Variants in PRKD2 observed in about 807,000 individuals in gnomAD.
PRKD2 encodes serine/threonine-protein kinase D2.
A neutral mutation model predicts 86.0 loss-of-function variants in PRKD2; 22 were observed. The observed-to-expected ratio is 0.26, with a 90% CI of 0.18 to 0.37. The LOEUF is 0.37. Ranked by LOEUF, PRKD2 falls within the 10% of genes least tolerant of loss-of-function variation. The pLI is 1.00. For missense variants in PRKD2, 818 were observed against 1,199.2 expected, an observed-to-expected ratio of 0.68 and a Z score of 4.70; for synonymous variants, 509 against 510.9, an observed-to-expected ratio of 1.00 and a Z score of 0.05.
At chr19:46,680,354 C>CACAA (rs1360893982) in intron 15 of PRKD2, among the ~76,000 whole-genome samples, 1 of 151,012 alleles carries the variant, frequency 6.6e-6, no homozygotes, top group Non-Finnish European at 1.5e-5. Flanking sequence ...GTGGTGTGAT[C>CACAA]TCGGCTCACC....
rs2053881962 is a variant in PRKD2, at chr19:46,716,378, G to A, written c.-8C>T. 1 of 1,398,220 alleles carries A rather than the reference G, an allele frequency of 7.2e-7. No individual in the cohort carries two copies. The highest frequency in any genetic ancestry group is 2.7e-4 in the Middle Eastern group (1 of 3,722). The allele number at this position is 1,398,220 out of a possible 1,614,324, so 86.6% of individuals were successfully genotyped here. On this transcript the variant is annotated 5_prime_UTR_variant, in exon 1 of 18. Transcript: ENST00000291281. The surrounding 1 kb of genome is among the most constrained non-coding windows in gnomAD (Gnocchi z 7.9). The stretch of plus-strand genomic sequence containing the variant: ...AGAGGGGGCGGTGGCCATGGGGGGA[G>A]GCCGGGGACCGGCCGCCTGGAGCCC...
intron 1 of PRKD2, chr19:46,714,343 C>G: frequency 9.6e-7 from 1 of 1,038,708 alleles, no homozygotes; most frequent in Non-Finnish European, 1.2e-6. Flanking sequence ...CCCTGTGCCT[C>G]CTCCCCAGGC....
intron 7 of PRKD2, 43 bp from the exon 8 acceptor site, chr19:46,697,893 T>C: frequency 6.8e-7 from 1 of 1,478,670 alleles, no homozygotes; most frequent in South Asian, 1.1e-5. Flanking sequence ...ATGCAGAAAG[T>C]GACCATGCTG....
At chr19:46,705,561 C>T (rs1023408876) in intron 3 of PRKD2, among the ~76,000 whole-genome samples, 6 of 152,006 alleles carry the variant, frequency 3.9e-5, no homozygotes, top group African/African-American at 9.7e-5. Flanking sequence ...CCAAGGCCGG[C>T]GGATCACTTG....
intron 15 of PRKD2, among the ~76,000 whole-genome samples, chr19:46,679,356 C>T (rs1043152661): frequency 2.0e-5 from 3 of 152,072 alleles, no homozygotes; most frequent in African/African-American, 7.2e-5. Flanking sequence ...AAACATGAAA[C>T]ATAATGGAGA....
intron 9 of PRKD2, among the ~76,000 whole-genome samples, chr19:46,696,091 G>A (rs1428604801): frequency 6.6e-6 from 1 of 152,082 alleles, no homozygotes; most frequent in East Asian, 1.9e-4. Flanking sequence ...CGCCCACCTC[G>A]GCCTCTGAAA....
intron 9 of PRKD2, among the ~76,000 whole-genome samples, chr19:46,695,280 T>A (rs2053540557): frequency 6.6e-6 from 1 of 151,806 alleles, no homozygotes. Flanking sequence ...AAGTCAGGAG[T>A]TCGAGACCCG....
Position 46,716,124 on chromosome 19 carries a change from C to G in PRKD2, c.240+7G>C, listed in dbSNP as rs1233709625. 6.2e-7 allele frequency: 1 copy of G among 1,608,606 alleles called. No homozygotes were observed. The highest frequency in any genetic ancestry group is 8.5e-7 in the Non-Finnish European group (1 of 1,178,286). On this transcript the variant is annotated splice_region_variant and intron_variant, in intron 1 of 17. Transcript: ENST00000291281. The surrounding 1 kb of genome is among the most constrained non-coding windows in gnomAD (Gnocchi z 7.9). The stretch of plus-strand genomic sequence containing the variant: ...CCGAGCTGGATCCAGGGAGCCTGCG[C>G]CCTCACCTTCTGGTCCACGATGGAA...
chr19:46,699,783 A>G (rs191948921), intron 7 of PRKD2, among the ~76,000 whole-genome samples: 48 of 152,194 alleles, frequency 3.2e-4, no homozygotes, highest in Middle Eastern at 3.4e-3. Flanking sequence ...CTCCGTGTAT[A>G]GTTTAAAAAT....
intron 12 of PRKD2, 98 bp downstream of exon 12, chr19:46,691,637 T>TCAGAAAGGAAGGGTTGGAGC: frequency 2.5e-6 from 3 of 1,216,482 alleles, no homozygotes; most frequent in Non-Finnish European, 2.4e-6. Context: ...ATGTGACCAA[T>TCAGAAAGGAAGGGTTGGAGC]CAGAAAGGAA....
chr19:46,709,195 C>CA (rs2053765630), intron 3 of PRKD2: 1 of 155,946 alleles, frequency 6.4e-6, no homozygotes. Flanking sequence ...AGGGTGGTCT[C>CA]AATCTCTTGA....
intron 14 of PRKD2, among the ~76,000 whole-genome samples, chr19:46,683,877 G>A (rs1599814777): frequency 6.6e-6 from 1 of 151,982 alleles, no homozygotes; most frequent in African/African-American, 2.4e-5. Flanking sequence ...AAATATATTT[G>A]TTTGTGTCTC....
intron 2 of PRKD2, among the ~76,000 whole-genome samples, chr19:46,711,779 A>G (rs768730137): frequency 2.6e-5 from 4 of 152,162 alleles, no homozygotes; most frequent in Admixed American, 6.5e-5. Flanking sequence ...AAAAAAGAAC[A>G]TGGATAGGCG....
Position 46,693,863 on chromosome 19 carries a change from G to A in PRKD2, c.1576+12C>T, listed in dbSNP as rs779158601. 1.9e-6 allele frequency: 3 copies of A among 1,585,352 alleles called. No homozygotes were observed. The highest frequency in any genetic ancestry group is 3.4e-5 in the Admixed American group (2 of 58,816). On this transcript the variant is annotated intron_variant, in intron 10 of 17. Coordinates refer to ENST00000291281, the MANE Select transcript of PRKD2 (RefSeq NM_016457.5). The surrounding 1 kb of genome is among the most constrained non-coding windows in gnomAD (Gnocchi z 4.5). ...ATCTATTCTCTCAAGGACCCGAGGT[G>A]GGAGGACTTACTGTGGGGCGCGTGG...
At position 46,704,513 on chromosome 19, in the gene PRKD2, G is replaced by A. The variant is rs755807747; in HGVS notation, c.648C>T (p.Pro216=). 3 of 1,614,152 alleles carry A rather than the reference G, an allele frequency of 1.9e-6. No homozygotes were observed. Among genetic ancestry groups the A allele is most frequent in the Non-Finnish European group, 2.5e-6 (3 of 1,180,020 alleles). Residue 216 remains proline (P), a synonymous_variant, in exon 4 of 18, where the codon CCC becomes CCT. Transcript: ENST00000291281. ...SVRLGTSESL[P]CTAEELSRST... ...TCCTCACCAGCTCTTCAGCCGTGCA[G>A]GGCAGGGACTCGGAGGTGCCGAGGC...
At chr19:46,708,979 T>TG (rs1555831851) in intron 3 of PRKD2, among the ~76,000 whole-genome samples, 9 of 98,962 alleles carry the variant, frequency 9.1e-5, no homozygotes, top group Non-Finnish European at 1.6e-4. Context: ...GTGGTTTTTT[T>TG]TTTTTTTTTT....
At chr19:46,691,533 G>A (rs1217464850) in intron 12 of PRKD2, among the ~76,000 whole-genome samples, 1 of 152,192 alleles carries the variant, frequency 6.6e-6, no homozygotes, top group Non-Finnish European at 1.5e-5. Context: ...TTAATAACAG[G>A]AGGAATGTCC....
At chr19:46,677,336 TG>T (rs1372256987) in intron 16 of PRKD2, 1 of 152,450 alleles carries the variant, frequency 6.6e-6, no homozygotes, top group Non-Finnish European at 1.5e-5. Flanking sequence ...TTCCCAGAGC[TG>T]GAACAGTCAA....
Position 46,678,734 on chromosome 19 carries a change from C to CA in PRKD2, c.2071-72dup. 2 of 1,502,576 alleles carry CA rather than the reference C, an allele frequency of 1.3e-6. No homozygotes were observed. Among genetic ancestry groups the CA allele is most frequent in the Admixed American group, 3.8e-5 (2 of 53,074 alleles). The allele number at this position is 1,502,576 out of a possible 1,614,324, so 93.1% of individuals were successfully genotyped here. A position where few individuals can be genotyped will look rare whatever the true frequency, so the allele number is the denominator to read the frequency against. On this transcript the variant is annotated intron_variant, in intron 15 of 17. Transcript: ENST00000291281. This position sits in a 1 kb window ranked among gnomAD's most constrained non-coding sequence, Gnocchi z 5.7. The stretch of plus-strand genomic sequence containing the variant: ...ACCCACCCCAGCATCCCCACCACAC[C>CA]ACCCTCCATGGTATTCCAGAGAAAG...
Sources: allele counts gnomAD v4.1 joint callset (sites outside exome capture counted in the v4.1 genomes callset), GRCh38; gene constraint gnomAD v4.1.1; non-coding constraint Gnocchi (gnomAD v3.1); transcripts MANE v1.5; gene names NCBI Gene and HGNC (gene_info 2026-07-23, HGNC 2026-07-21).